Variants in NIBAN1 observed in about 807,000 individuals in gnomAD.
NIBAN1 encodes niban apoptosis regulator 1, also known as protein Niban 1.
Under a neutral mutation model 75.1 loss-of-function variants are expected in NIBAN1, and 81 were observed. That is an observed-to-expected ratio of 1.08 (90% CI 0.90 to 1.30). NIBAN1 has a LOEUF of 1.30. Ranked by LOEUF, NIBAN1 falls within the 50% of genes most tolerant of loss-of-function variation. The probability of loss-of-function intolerance (pLI) is 0.00; values close to 1 mark genes in which losing one functional copy is unlikely to be tolerated. For missense variants in NIBAN1, 1,133 were observed against 1,128.1 expected, an observed-to-expected ratio of 1.00 and a Z score of -0.06; for synonymous variants, 436 against 424.8, an observed-to-expected ratio of 1.03 and a Z score of -0.32.
chr1:184,818,485 G>T (rs1174356395), intron 9 of NIBAN1, among the ~76,000 whole-genome samples, 153 bp downstream of exon 9: 1 of 152,090 alleles, frequency 6.6e-6, no homozygotes, highest in Non-Finnish European at 1.5e-5. Context: ...GGGTCTGAAT[G>T]AACGGAAGAA....
At chr1:184,957,094 C>T (rs181000739) in intron 1 of NIBAN1, among the ~76,000 whole-genome samples, 103 of 152,338 alleles carry the variant, frequency 6.8e-4, no homozygotes, top group Non-Finnish European at 2.6e-4. Context: ...CTCCCACCAT[C>T]GCTGGTTTCA....
At chr1:184,940,696 C>G (rs1181950900) in intron 1 of NIBAN1, among the ~76,000 whole-genome samples, 1 of 152,156 alleles carries the variant, frequency 6.6e-6, no homozygotes, top group Non-Finnish European at 1.5e-5. Context: ...GCAAGAAAGT[C>G]AAGCAAACCA....
At position 184,795,674 on chromosome 1, in the gene NIBAN1, T is replaced by C; in HGVS notation, c.2090A>G (p.Gln697Arg). The change falls in exon 14 of 14, where the codon CAG (glutamine) becomes CGG (arginine). Residue 697 changes from glutamine (Q) to arginine (R), a missense_variant. By Grantham distance (43) the Gln-to-Arg change is conservative. Coordinates refer to ENST00000367511, the MANE Select transcript of NIBAN1 (RefSeq NM_052966.4). ...GGCAGTGATGGGTTCTGGCTCTTCC[T>C]GGGCGGGTTCTTCATCCTCAAGGGT... ...GGTLEDEEPA[Q>R]EEPEPITASG... 6.2e-7 allele frequency: 1 copy of C among 1,614,186 alleles called. No homozygotes were observed. The highest frequency in any genetic ancestry group is 8.5e-7 in the Non-Finnish European group (1 of 1,180,020).
At chr1:184,803,791 C>A in intron 11 of NIBAN1, 99 bp from the exon 12 acceptor site, 1 of 954,382 alleles carries the variant, frequency 1.0e-6, no homozygotes. Flanking sequence ...TCTTTTCCTC[C>A]TAATGTCTGA....
intron 9 of NIBAN1, among the ~76,000 whole-genome samples, chr1:184,808,936 C>G (rs548420738): frequency 6.6e-6 from 1 of 152,298 alleles, no homozygotes; most frequent in African/African-American, 2.4e-5. Context: ...GTTGTTGCAA[C>G]AGAATGCATT....
At chr1:184,918,792 T>C (rs1657457413) in intron 1 of NIBAN1, among the ~76,000 whole-genome samples, 1 of 152,224 alleles carries the variant, frequency 6.6e-6, no homozygotes, top group South Asian at 2.1e-4. Flanking sequence ...CTCTCCAGTA[T>C]AGCAGCTCAT....
At chr1:184,887,725 C>G (rs528768087) in intron 4 of NIBAN1, 1 of 152,132 alleles carries the variant, frequency 6.6e-6, no homozygotes, top group Non-Finnish European at 1.5e-5. Flanking sequence ...GAACTAATAT[C>G]GAAATATCTT....
At chr1:184,942,194 T>G (rs1658106719) in intron 1 of NIBAN1, among the ~76,000 whole-genome samples, 1 of 152,238 alleles carries the variant, frequency 6.6e-6, no homozygotes, top group Non-Finnish European at 1.5e-5. Flanking sequence ...ATAATGAAAG[T>G]TATACAGGCC....
intron 5 of NIBAN1, among the ~76,000 whole-genome samples, chr1:184,866,669 A>T (rs571159345): frequency 6.6e-6 from 1 of 152,334 alleles, no homozygotes; most frequent in Admixed American, 6.5e-5. Context: ...TGGTATGAAG[A>T]GAACAGTACT....
At chr1:184,970,392 G>T (rs980702679) in intron 1 of NIBAN1, among the ~76,000 whole-genome samples, 5 of 152,052 alleles carry the variant, frequency 3.3e-5, no homozygotes, top group Admixed American at 1.3e-4. Flanking sequence ...CAAATGTGTG[G>T]ACTAGTACGA....
chr1:184,852,031 C>G (rs1050560538), intron 5 of NIBAN1, among the ~76,000 whole-genome samples: 1 of 152,060 alleles, frequency 6.6e-6, no homozygotes, highest in Non-Finnish European at 1.5e-5. Context: ...TAAAGAACTT[C>G]GGTGAGCAGA....
chr1:184,834,852 A>C (rs534064740), intron 5 of NIBAN1, among the ~76,000 whole-genome samples: 1 of 152,188 alleles, frequency 6.6e-6, no homozygotes, highest in South Asian at 2.1e-4. Context: ...GAAGCTCTTT[A>C]GTTTAATTAG....
intron 5 of NIBAN1, among the ~76,000 whole-genome samples, chr1:184,843,996 C>T (rs554371): frequency 0.58 from 88,059 of 151,998 alleles, 25,993 homozygotes; most frequent in African/African-American, 0.67. Flanking sequence ...AACTTGGATA[C>T]GATTTAAAGC....
chr1:184,838,378 A>G (rs689157), intron 5 of NIBAN1, among the ~76,000 whole-genome samples: 1 of 151,918 alleles, frequency 6.6e-6, no homozygotes, highest in Non-Finnish European at 1.5e-5. Context: ...GGCCAACTCA[A>G]CGATACAAAA....
At chr1:184,826,840 T>C (rs1233548926) in intron 6 of NIBAN1, among the ~76,000 whole-genome samples, 1 of 149,012 alleles carries the variant, frequency 6.7e-6, no homozygotes, top group African/African-American at 2.5e-5. Context: ...AAAGAGAGGG[T>C]GGGAGTGGGT....
At chr1:184,819,456 A>C (rs1348912134) in intron 8 of NIBAN1, among the ~76,000 whole-genome samples, 2 of 152,212 alleles carry the variant, frequency 1.3e-5, no homozygotes, top group Non-Finnish European at 2.9e-5. Context: ...CACGAAGAAG[A>C]ATGAAAAAAT....
intron 5 of NIBAN1, among the ~76,000 whole-genome samples, chr1:184,879,608 A>G (rs1465773185): frequency 6.6e-6 from 1 of 152,168 alleles, no homozygotes; most frequent in Non-Finnish European, 1.5e-5. Flanking sequence ...AAATAAACAC[A>G]CCAAAAAGGA....
At chr1:184,957,810 G>T (rs902190329) in intron 1 of NIBAN1, among the ~76,000 whole-genome samples, 1 of 152,090 alleles carries the variant, frequency 6.6e-6, no homozygotes, top group African/African-American at 2.4e-5. Context: ...GGAAATTATC[G>T]TGCCTGTTTT....
intron 1 of NIBAN1, among the ~76,000 whole-genome samples, chr1:184,912,554 T>C (rs1657269823): frequency 6.6e-6 from 1 of 152,288 alleles, no homozygotes; most frequent in South Asian, 2.1e-4. Context: ...AGGTGAAAAA[T>C]GGTGCCTTCA....
Sources: allele counts gnomAD v4.1 joint callset (sites outside exome capture counted in the v4.1 genomes callset), GRCh38; gene constraint gnomAD v4.1.1; transcripts MANE v1.5; gene names NCBI Gene and HGNC (gene_info 2026-07-23, HGNC 2026-07-21).